PTK2B: variants seen among roughly 807,000 people sequenced by gnomAD.
PTK2B encodes the protein protein-tyrosine kinase 2-beta.
In PTK2B, 71 loss-of-function variants were observed where a neutral mutation model predicts 142.9. That is an observed-to-expected ratio of 0.50 (90% CI 0.41 to 0.61). The LOEUF is 0.61. Ranked by LOEUF, PTK2B falls within the 20% of genes least tolerant of loss-of-function variation. The pLI is 0.00. For synonymous variants in PTK2B, 519 were observed against 503.4 expected (o/e 1.03, Z -0.42); for missense variants, 1,105 against 1,320.4 (o/e 0.84, Z 2.53).
At chr8:27,425,449 G>T (rs1288257381) in intron 5 of PTK2B, among the ~76,000 whole-genome samples, 1 of 151,810 alleles carries the variant, frequency 6.6e-6, no homozygotes, top group Non-Finnish European at 1.5e-5. Context: ...ATTTTGAATA[G>T]ACTTTATTTT....
At chr8:27,331,526 A>G (rs2130841785) in intron 1 of PTK2B, among the ~76,000 whole-genome samples, 1 of 152,092 alleles carries the variant, frequency 6.6e-6, no homozygotes, top group East Asian at 1.9e-4. Context: ...AGCCAAGACT[A>G]CAGGCACATG....
rs572576732 is a variant in PTK2B, at chr8:27,445,287, T to A, written c.2215-507T>A. Reference sequence around the variant, plus strand: ...TTCAAGGCAGGCATGGTGGCATGCATCCGTAGTCCCAGCTATGTGGGAGGC... The same window carrying A: ...TTCAAGGCAGGCATGGTGGCATGCAACCGTAGTCCCAGCTATGTGGGAGGC... On this transcript the variant is annotated intron_variant, in intron 23 of 30. Coordinates refer to ENST00000346049, the MANE Select transcript of PTK2B (RefSeq NM_173176.3). Among the ~76,000 whole-genome samples the A allele has an allele frequency of 3.9e-5, 6 of 152,196 alleles. No individual in the cohort carries two copies. The South Asian group carries it at 1.0e-3, about 26-fold the overall frequency.
intron 1 of PTK2B, among the ~76,000 whole-genome samples, chr8:27,349,283 G>A (rs368680215): frequency 6.6e-6 from 1 of 152,296 alleles, no homozygotes; most frequent in East Asian, 1.9e-4. Flanking sequence ...CTTAGGTCAA[G>A]TTTCTTTAAC....
At chr8:27,381,668 G>A (rs1173120162) in intron 1 of PTK2B, among the ~76,000 whole-genome samples, 1 of 152,168 alleles carries the variant, frequency 6.6e-6, no homozygotes, top group East Asian at 1.9e-4. Context: ...AAAATCCCTA[G>A]TAGTGGGATT....
At chr8:27,400,874 A>G (rs1303780999) in intron 2 of PTK2B, among the ~76,000 whole-genome samples, 1 of 152,232 alleles carries the variant, frequency 6.6e-6, no homozygotes, top group East Asian at 1.9e-4. Flanking sequence ...TGCCATGCAA[A>G]TGGGTAGGCT....
In PTK2B at chr8:27,450,276, T is replaced by C. The variant is rs187857262; in HGVS notation, c.2341-473T>C. The stretch of plus-strand genomic sequence containing the variant: ...GCTTCCAGACCTGCCACCTTGGTCC[T>C]TAGGTGGAGATAGCATCAGAAGGGT... On this transcript the variant is annotated intron_variant, in intron 24 of 30. Coordinates refer to ENST00000346049, the MANE Select transcript of PTK2B (RefSeq NM_173176.3). Among the ~76,000 whole-genome samples, 730 of 152,264 alleles carry C rather than the reference T, an allele frequency of 4.8e-3. 3 individuals are homozygous for C. Among genetic ancestry groups the C allele is most frequent in the Non-Finnish European group, 7.2e-3 (490 of 68,022 alleles).
At chr8:27,430,029 G>A in intron 5 of PTK2B, 64 bp from the exon 6 acceptor site, 1 of 1,471,662 alleles carries the variant, frequency 6.8e-7, no homozygotes, top group South Asian at 1.1e-5. Context: ...GGCATGAGGT[G>A]CCCTGGGTCT....
At chr8:27,364,375 C>G (rs148027111) in intron 1 of PTK2B, among the ~76,000 whole-genome samples, 7 of 152,220 alleles carry the variant, frequency 4.6e-5, no homozygotes, top group African/African-American at 1.7e-4. Context: ...AAGTGCGTAA[C>G]GCATTATTTC....
At chr8:27,389,630 G>C (rs377190426) in intron 1 of PTK2B, among the ~76,000 whole-genome samples, 1 of 152,254 alleles carries the variant, frequency 6.6e-6, no homozygotes, top group African/African-American at 2.4e-5. Flanking sequence ...GGGTGCGGGG[G>C]TGGGGAGCTG....
In PTK2B at chr8:27,430,419, G is replaced by A; in HGVS notation, c.669+1G>A. 1 of 1,614,154 alleles carries A rather than the reference G, an allele frequency of 6.2e-7. No individual in the cohort carries two copies. The highest frequency in any genetic ancestry group is 8.5e-7 in the Non-Finnish European group (1 of 1,180,018). On this transcript the variant is annotated splice_donor_variant, in intron 7 of 30. Coordinates refer to ENST00000346049, the MANE Select transcript of PTK2B (RefSeq NM_173176.3). LOFTEE classifies it high-confidence loss of function. ...AAAGCAGATGCAGGAGAACTTAAAG[G>A]TGAGGAAACCAATGGGCGAGGACCT...
chr8:27,435,954 T>C (rs1810749992), intron 14 of PTK2B, among the ~76,000 whole-genome samples, 161 bp downstream of exon 14: 1 of 152,190 alleles, frequency 6.6e-6, no homozygotes, highest in African/African-American at 2.4e-5. Context: ...ATTTGAAAGC[T>C]GAGATTTTTT....
chr8:27,377,086 C>T (rs576888933), intron 1 of PTK2B, among the ~76,000 whole-genome samples: 13 of 152,248 alleles, frequency 8.5e-5, no homozygotes, highest in Non-Finnish European at 1.3e-4. Flanking sequence ...CTCACAGCTC[C>T]AGAGGCAGAG....
chr8:27,430,768 C>A, intron 7 of PTK2B, 108 bp from the exon 8 acceptor site: 1 of 1,450,800 alleles, frequency 6.9e-7, no homozygotes, highest in Non-Finnish European at 9.4e-7. Context: ...GGGCAAAGGC[C>A]CTGGGGATCA....
intron 1 of PTK2B, among the ~76,000 whole-genome samples, chr8:27,337,112 C>T (rs13269501): frequency 0.77 from 117,160 of 151,958 alleles, 45,861 homozygotes; most frequent in Middle Eastern, 0.87. Flanking sequence ...AGTTTTAGTA[C>T]GTTCACAGAG....
chr8:27,456,338 C>T (rs149094265), intron 30 of PTK2B, among the ~76,000 whole-genome samples: 1,702 of 152,260 alleles, frequency 0.011, 13 homozygotes, highest in Middle Eastern at 0.017. Flanking sequence ...GTAATTCTCA[C>T]AATATTTCAA....
At chr8:27,370,184 G>C (rs1023325310) in intron 1 of PTK2B, among the ~76,000 whole-genome samples, 2 of 152,164 alleles carry the variant, frequency 1.3e-5, no homozygotes, top group African/African-American at 4.8e-5. Context: ...ATTGAAATCA[G>C]TGAAAGGGAG....
rs150372611 is a variant in PTK2B, at chr8:27,371,905, C to T, written c.-37-25643C>T. 5.2e-3 allele frequency among the ~76,000 whole-genome samples: 789 copies of T among 152,300 alleles called. 4 individuals carry two copies. Among genetic ancestry groups the T allele is most frequent in the African/African-American group, 0.018 (741 of 41,546 alleles). On this transcript the variant is annotated intron_variant, in intron 1 of 30. Coordinates refer to ENST00000346049, the MANE Select transcript of PTK2B (RefSeq NM_173176.3). ...CTGATTTCAGGAGTAATCTACTGAG[C>T]ACCTCGTGTGTGCCAGGCACCGATC... is the stretch of plus-strand genomic sequence containing the variant.
chr8:27,442,897 G>T lies in PTK2B; in HGVS notation c.2062G>T (p.Asp688Tyr). The change falls in exon 22 of 31, where the codon GAC becomes TAC. Residue 688 changes from aspartate to tyrosine, a missense_variant. Asp to Tyr is a radical substitution (Grantham distance 160). Coordinates refer to ENST00000346049, the MANE Select transcript of PTK2B (RefSeq NM_173176.3). ...CAGTGACGTTTATCAGATGGAGAAGGACATTGCCATGGAGCAAGAGAGGAA... is the reference window on the plus strand; with the variant it reads ...CAGTGACGTTTATCAGATGGAGAAGTACATTGCCATGGAGCAAGAGAGGAA... ...SLSDVYQMEK[D>Y]IAMEQERNAR... 6.2e-7 allele frequency: 1 copy of T among 1,614,132 alleles called. No individual in the cohort carries two copies.
chr8:27,321,536 G>A (rs562396593), upstream of PTK2B, among the ~76,000 whole-genome samples: 24 of 152,246 alleles, frequency 1.6e-4, no homozygotes, highest in Non-Finnish European at 2.4e-4. Flanking sequence ...TTAGGTACCC[G>A]GATTCTTAAC....
Sources: allele counts gnomAD v4.1 joint callset (sites outside exome capture counted in the v4.1 genomes callset), GRCh38; gene constraint gnomAD v4.1.1; transcripts MANE v1.5; gene names NCBI Gene and HGNC (gene_info 2026-07-23, HGNC 2026-07-21).